MMUT: variants seen among roughly 807,000 people sequenced by gnomAD.
MMUT encodes methylmalonyl-CoA mutase, mitochondrial.
In MMUT, 79 loss-of-function variants were observed where a neutral mutation model predicts 79.9. That is an observed-to-expected ratio of 0.99 (90% CI 0.82 to 1.19). MMUT has a LOEUF of 1.19. Among genes scored for constraint, MMUT ranks in the 50% most tolerant of loss-of-function variants. MMUT has a pLI of 0.00. For missense variants in MMUT, 860 were observed against 917.2 expected, an observed-to-expected ratio of 0.94 and a Z score of 0.81; for synonymous variants, 273 against 295.7, an observed-to-expected ratio of 0.92 and a Z score of 0.79.
At chr6:49,445,567 T>C (rs1447738574) in intron 8 of MMUT, among the ~76,000 whole-genome samples, 1 of 152,044 alleles carries the variant, frequency 6.6e-6, no homozygotes, top group African/African-American at 2.4e-5. Flanking sequence ...TTATATAAAA[T>C]GATGTAGTGT....
chr6:49,447,798 C>A lies in MMUT; in HGVS notation c.1445-13G>T. On this transcript the variant is annotated splice_polypyrimidine_tract_variant and intron_variant, in intron 7 of 12. Coordinates refer to ENST00000274813, the MANE Select transcript of MMUT (RefSeq NM_000255.4). ...ATTACTTCAGAACCTGGTAATTTCC[C>A]AAAGAAAAATTTTATTCACAAATAA... 1 of 1,476,388 alleles carries A rather than the reference C, an allele frequency of 6.8e-7. No homozygotes were observed. The highest frequency in any genetic ancestry group is 9.5e-7 in the Non-Finnish European group (1 of 1,055,332). 91.5% of individuals were successfully genotyped at this position (1,476,388 alleles called of 1,614,324 possible).
chr6:49,440,483 G>T, intron 10 of MMUT, 130 bp from the exon 11 acceptor site: 1 of 1,055,186 alleles, frequency 9.5e-7, no homozygotes, highest in Middle Eastern at 2.5e-4. Context: ...CTTGTATTTT[G>T]GGTTGTTTTT....
rs1413324756 is a variant in MMUT, at chr6:49,459,144, CG to C, written c.322del (p.Arg108AlafsTer72). On this transcript the variant is annotated frameshift_variant, in exon 2 of 13. Coordinates refer to ENST00000274813, the MANE Select transcript of MMUT (RefSeq NM_000255.4). LOFTEE classifies it high-confidence loss of function. ...CACAGTACTAAAACCAGCATACTGG[CG>C]GATGGTCCAGGGCCTAAAGGTATAC... ...TMYTFRPWTI[R>X]QYAGFSTVEE... The C allele has an allele frequency of 1.2e-6, 2 of 1,613,990 alleles. No individual in the cohort carries two copies. The highest frequency in any genetic ancestry group is 3.3e-5 in the Admixed American group (2 of 59,988).
chr6:49,436,855 T>A (rs938736096), intron 11 of MMUT, among the ~76,000 whole-genome samples: 7 of 152,114 alleles, frequency 4.6e-5, no homozygotes, highest in Non-Finnish European at 1.0e-4. Context: ...AAATACCACA[T>A]GTTCTTTCTT....
At chr6:49,440,163 A>G (rs998282990) in intron 11 of MMUT, 43 bp downstream of exon 11, 4 of 1,607,486 alleles carry the variant, frequency 2.5e-6, no homozygotes, top group East Asian at 2.2e-5. Context: ...AATGTAAGTG[A>G]CTAGTAAATA....
At chr6:49,447,814 T>C in intron 7 of MMUT, 29 bp from the exon 8 acceptor site, 6 of 1,232,890 alleles carry the variant, frequency 4.9e-6, no homozygotes, top group Non-Finnish European at 7.2e-6. Context: ...AAAATTTTAT[T>C]CACAAATAAT....
In MMUT at chr6:49,459,491, G is replaced by T; in HGVS notation, c.-25C>A. The T allele has an allele frequency of 6.2e-7, 1 of 1,604,880 alleles. No homozygotes were observed. The highest frequency in any genetic ancestry group is 1.1e-5 in the South Asian group (1 of 90,864). On this transcript the variant is annotated 5_prime_UTR_variant, in exon 2 of 13. Transcript: ENST00000274813. Reference sequence around the variant, plus strand: ...TGGTGGAGCATGGAAACACCCAATAGAAATAAGAACTGACCTAGAAAAAGA... The same window carrying T: ...TGGTGGAGCATGGAAACACCCAATATAAATAAGAACTGACCTAGAAAAAGA...
At chr6:49,458,290 TAAAGG>T (rs1458433312) in intron 2 of MMUT, among the ~76,000 whole-genome samples, 1 of 152,120 alleles carries the variant, frequency 6.6e-6, no homozygotes. Context: ...CAGACCTCAC[TAAAGG>T]AAAGAATGGG....
rs1414300733 is a variant in MMUT, at chr6:49,444,684, C to T, written c.1631G>A (p.Gly544Glu). The T allele has an allele frequency of 2.5e-6, 4 of 1,613,474 alleles. No individual in the cohort carries two copies. The East Asian group carries it at 8.9e-5, about 36-fold the overall frequency. ...TGCAAGAGCCAGGATATTTCCATCT[C>T]CGCTAGCAGCACATTCGGTTAGTGC... Reference protein sequence around the residue: ...LAALTECAASGDGNILALAVD... With the variant: ...LAALTECAASEDGNILALAVD... Residue 544 changes from glycine (G) to glutamate (E), a missense_variant, in exon 9 of 13, where the codon GGA becomes GAA. Coordinates refer to ENST00000274813, the MANE Select transcript of MMUT (RefSeq NM_000255.4).
At chr6:49,444,867 C>T (rs1767373651) in intron 8 of MMUT, 113 bp from the exon 9 acceptor site, 1 of 722,136 alleles carries the variant, frequency 1.4e-6, no homozygotes, top group African/African-American at 1.8e-5. Flanking sequence ...AATCCTAACT[C>T]CAAATTTAAG....
chr6:49,439,271 A>T (rs981228850), intron 11 of MMUT, among the ~76,000 whole-genome samples: 6 of 152,142 alleles, frequency 3.9e-5, no homozygotes, highest in Admixed American at 3.3e-4. Context: ...TTCAGTTTCC[A>T]CCAAAGTCCA....
intron 7 of MMUT, 94 bp downstream of exon 7, chr6:49,448,722 T>A (rs1430064498): frequency 9.4e-7 from 1 of 1,062,806 alleles, no homozygotes; most frequent in East Asian, 2.4e-5. Context: ...TTTTTCATTA[T>A]TTTTGTTTTG....
chr6:49,444,731 A>T lies in MMUT; in HGVS notation c.1584T>A (p.Ala528=), dbSNP rs912821000. The T allele has an allele frequency of 6.2e-7, 1 of 1,613,302 alleles. No individual in the cohort carries two copies. Among genetic ancestry groups the T allele is most frequent in the African/African-American group, 1.3e-5 (1 of 75,012 alleles). The change falls in exon 9 of 13, where the codon GCT becomes GCA. Residue 528 remains alanine (A), a synonymous_variant. Coordinates refer to ENST00000274813, the MANE Select transcript of MMUT (RefSeq NM_000255.4). The part of the protein sequence containing the change: ...LKKIKSSRDQ[A]LAERCLAALT... Reference sequence around the variant, plus strand: ...GTGCAGCAAGACAACGTTCAGCCAAAGCTTGATCCCTGCTGGATTTGATCT... The same window carrying T: ...GTGCAGCAAGACAACGTTCAGCCAATGCTTGATCCCTGCTGGATTTGATCT...
intron 9 of MMUT, chr6:49,443,641 T>G (rs1767335751): frequency 4.6e-6 from 1 of 216,310 alleles, no homozygotes; most frequent in African/African-American, 2.4e-5. Context: ...ATACATATAA[T>G]GAGATAATTT....
chr6:49,448,703 CAA>C, intron 7 of MMUT, 111 bp downstream of exon 7: 1 of 883,138 alleles, frequency 1.1e-6, no homozygotes, highest in African/African-American at 1.7e-5. Context: ...AAAATTTACC[CAA>C]GTTCCATTTT....
intron 1 of MMUT, among the ~76,000 whole-genome samples, chr6:49,460,806 T>C (rs1326710582): frequency 6.6e-6 from 1 of 152,228 alleles, no homozygotes; most frequent in Non-Finnish European, 1.5e-5. Context: ...AAAGCTTAAA[T>C]GAAATCAATA....
chr6:49,434,646 T>C (rs958638168), intron 12 of MMUT, among the ~76,000 whole-genome samples: 1 of 152,194 alleles, frequency 6.6e-6, no homozygotes, highest in African/African-American at 2.4e-5. Flanking sequence ...CAGAACCTAT[T>C]TGTATTTTAA....
chr6:49,435,393 C>G, intron 12 of MMUT, 63 bp downstream of exon 12: 1 of 1,469,084 alleles, frequency 6.8e-7, no homozygotes. Context: ...TTTAGAACCA[C>G]AAATAAGCTA....
intron 5 of MMUT, among the ~76,000 whole-genome samples, chr6:49,453,039 G>GTTTTTTTT (rs5876116): frequency 8.6e-6 from 1 of 116,192 alleles, no homozygotes; most frequent in Non-Finnish European, 1.8e-5. Flanking sequence ...TTCTTTCTTT[G>GTTTTTTTT]TTTTTTTTTT....
Sources: allele counts gnomAD v4.1 joint callset (sites outside exome capture counted in the v4.1 genomes callset), GRCh38; gene constraint gnomAD v4.1.1; transcripts MANE v1.5; gene names NCBI Gene and HGNC (gene_info 2026-07-23, HGNC 2026-07-21).